STK39: variants seen among roughly 807,000 people sequenced by gnomAD.
STK39 encodes the protein serine/threonine kinase 39, also known as STE20/SPS1-related proline-alanine-rich protein kinase.
Under a neutral mutation model 77.8 loss-of-function variants are expected in STK39, and 20 were observed. That is an observed-to-expected ratio of 0.26 (90% CI 0.18 to 0.37). The LOEUF (loss-of-function observed/expected upper bound fraction) is 0.37. Among genes scored for constraint, STK39 ranks in the 10% least tolerant of loss-of-function variants. The pLI, the probability that STK39 is intolerant of heterozygous loss-of-function variation, is 1.00. For synonymous variants in STK39, 246 were observed against 234.1 expected, an observed-to-expected ratio of 1.05 and a Z score of -0.47; for missense variants, 479 against 656.5, an observed-to-expected ratio of 0.73 and a Z score of 2.95.
chr2:168,121,497 G>T (rs545554291), intron 10 of STK39, among the ~76,000 whole-genome samples: 2 of 152,316 alleles, frequency 1.3e-5, no homozygotes, highest in South Asian at 2.1e-4. Flanking sequence ...CACCTTGATG[G>T]ATCGGAAAAG....
rs183517701 is a variant in STK39 at position 168,166,473 on chromosome 2, A to T, written c.430+826T>A. ...TTCCCTTCCCAAATGCAACAATAGG[A>T]TGACAATAGTGCCATTTCTGATCAA... On this transcript the variant is annotated intron_variant, in intron 3 of 17. Coordinates refer to ENST00000355999, the MANE Select transcript of STK39 (RefSeq NM_013233.3). Among the ~76,000 whole-genome samples, 5 of 152,346 alleles carry T rather than the reference A, an allele frequency of 3.3e-5. No homozygotes were observed. In the East Asian group the frequency reaches 9.7e-4, roughly 29 times the overall value.
chr2:168,242,597 A>ATATATATATATAT (rs1178293952), intron 1 of STK39, among the ~76,000 whole-genome samples: 1 of 136,756 alleles, frequency 7.3e-6, no homozygotes, highest in Admixed American at 7.6e-5. Context: ...ATATATATAT[A>ATATATATATATAT]AAGAGGCCAG....
At chr2:168,155,228 T>C (rs3820868) in intron 5 of STK39, among the ~76,000 whole-genome samples, 23,687 of 152,168 alleles carry the variant, frequency 0.16, 1,956 homozygotes, top group East Asian at 0.25. Context: ...CCTTAAGCTG[T>C]TGCTCAAACA....
intron 12 of STK39, among the ~76,000 whole-genome samples, chr2:168,068,726 G>A (rs1376674095): frequency 6.6e-6 from 1 of 152,280 alleles, no homozygotes; most frequent in East Asian, 1.9e-4. Flanking sequence ...GCTCAAAAGG[G>A]CAGTCACCTG....
intron 5 of STK39, among the ~76,000 whole-genome samples, chr2:168,144,510 T>C (rs774596081): frequency 5.9e-5 from 9 of 151,866 alleles, no homozygotes; most frequent in Admixed American, 3.3e-4. Context: ...CTCTCTATGT[T>C]GCCCAAGGTG....
intron 16 of STK39, among the ~76,000 whole-genome samples, chr2:167,980,817 TTTC>T (rs1683397830): frequency 6.6e-6 from 1 of 151,984 alleles, no homozygotes; most frequent in African/African-American, 2.4e-5. Context: ...TTTATCTTCA[TTTC>T]TTCTTCTTTT....
At chr2:168,135,069 T>C (rs1030883001) in intron 8 of STK39, among the ~76,000 whole-genome samples, 2 of 152,122 alleles carry the variant, frequency 1.3e-5, no homozygotes, top group Non-Finnish European at 2.9e-5. Context: ...ACTGAGTATA[T>C]AATACAAACC....
intron 14 of STK39, among the ~76,000 whole-genome samples, chr2:168,033,553 G>A (rs577664634): frequency 9.2e-5 from 14 of 152,156 alleles, no homozygotes; most frequent in Non-Finnish European, 1.8e-4. Flanking sequence ...GCTCTAAAAC[G>A]CTGTTCCTGA....
chr2:168,219,661 G>C (rs930725814), intron 1 of STK39, among the ~76,000 whole-genome samples: 2 of 152,066 alleles, frequency 1.3e-5, no homozygotes, highest in Non-Finnish European at 2.9e-5. Flanking sequence ...TCCTCTCAAT[G>C]CAACAAAACT....
intron 10 of STK39, among the ~76,000 whole-genome samples, chr2:168,093,021 T>C (rs777929595): frequency 1.4e-3 from 214 of 152,334 alleles, no homozygotes; most frequent in Non-Finnish European, 6.9e-4. Context: ...GACATGCATA[T>C]TGGTCTCCTG....
intron 5 of STK39, among the ~76,000 whole-genome samples, chr2:168,141,376 T>C (rs1687979788): frequency 6.6e-6 from 1 of 152,218 alleles, no homozygotes; most frequent in Admixed American, 6.5e-5. Flanking sequence ...AATGTACCCG[T>C]GAACATTTCC....
At position 167,998,418 on chromosome 2, in the gene STK39, G is replaced by C. The variant is rs968649080; in HGVS notation, c.1498+14216C>G. ...AGCCCAATGAACATGAATATTTTAC[G>C]TATTCTGTACTCTATTATAATGATA... On this transcript the variant is annotated intron_variant, in intron 16 of 17. Transcript: ENST00000355999. 2.0e-5 allele frequency among the ~76,000 whole-genome samples: 3 copies of C among 152,274 alleles called. No homozygotes were observed. The South Asian group carries it at 6.2e-4, about 32-fold the overall frequency.
rs769195080 is a variant in STK39, at chr2:168,075,161, T to C, written c.1160A>G (p.Asp387Gly). Residue 387 changes from aspartate to glycine, a missense_variant, in exon 11 of 18, where the codon GAC (aspartate) becomes GGC (glycine). Asp to Gly is a moderately conservative substitution (Grantham distance 94, BLOSUM62 -1). Coordinates refer to ENST00000355999, the MANE Select transcript of STK39 (RefSeq NM_013233.3). ...TTCTTCGCTCTTCTCATCCATCTCG[T>C]CGTCACTCCACTCCCAGTCCCCGTC... ...TEDGDWEWSD[D>G]EMDEKSEEGK... 1 of 1,614,186 alleles carries C rather than the reference T, an allele frequency of 6.2e-7. No homozygotes were observed. Among genetic ancestry groups the C allele is most frequent in the Non-Finnish European group, 8.5e-7 (1 of 1,180,040 alleles).
At chr2:168,229,204 G>A (rs961284821) in intron 1 of STK39, among the ~76,000 whole-genome samples, 1 of 151,970 alleles carries the variant, frequency 6.6e-6, no homozygotes, top group Non-Finnish European at 1.5e-5. Flanking sequence ...GGCCAATATG[G>A]TGAAACCCAT....
At chr2:168,023,405 T>C (rs1277085781) in intron 14 of STK39, among the ~76,000 whole-genome samples, 1 of 152,044 alleles carries the variant, frequency 6.6e-6, no homozygotes, top group East Asian at 1.9e-4. Context: ...GCTAAGAGGC[T>C]GGTAATGCAG....
At chr2:168,212,283 T>G (rs1689909919) in intron 1 of STK39, among the ~76,000 whole-genome samples, 1 of 152,260 alleles carries the variant, frequency 6.6e-6, no homozygotes, top group Middle Eastern at 3.2e-3. Context: ...AGGAAGCTAC[T>G]GAAACTTACT....
At chr2:168,084,459 T>C (rs1686317094) in intron 10 of STK39, among the ~76,000 whole-genome samples, 1 of 152,190 alleles carries the variant, frequency 6.6e-6, no homozygotes, top group African/African-American at 2.4e-5. Context: ...CAGTGCGAGA[T>C]AATGAAATGA....
rs1685899419 is a variant in STK39, at chr2:168,070,074, A to G, written c.1243-4693T>C. On this transcript the variant is annotated intron_variant, in intron 12 of 17. Transcript: ENST00000355999. ...AGATTCCAAAACCACTGGTCAAAAG[A>G]AGATCAATAATGGGATAACAGTTGA... 2.6e-5 allele frequency among the ~76,000 whole-genome samples: 4 copies of G among 152,356 alleles called. No homozygotes were observed. In the South Asian group the frequency reaches 8.3e-4, roughly 32 times the overall value.
chr2:168,219,593 A>G (rs1574566717), intron 1 of STK39, among the ~76,000 whole-genome samples: 3 of 152,262 alleles, frequency 2.0e-5, no homozygotes, highest in East Asian at 3.9e-4. Context: ...AAAGAAAAAG[A>G]AAACATATCT....
Sources: gnomAD v4.1 joint callset for allele counts (sites outside exome capture counted in the v4.1 genomes callset) on GRCh38, gnomAD v4.1.1 for gene constraint, MANE v1.5 for transcripts, NCBI Gene and HGNC (gene_info 2026-07-23, HGNC 2026-07-21) for gene names.